The following PDE12 variants were observed in gnomAD, a reference collection of about 807,000 sequenced individuals.
PDE12 encodes phosphodiesterase 12.
PDE12 carries 26 observed loss-of-function variants against 45.4 expected under a neutral mutation model. The observed-to-expected ratio is 0.57, with a 90% CI of 0.42 to 0.79. The LOEUF (loss-of-function observed/expected upper bound fraction) is 0.79. Among genes scored for constraint, PDE12 ranks in the 30% least tolerant of loss-of-function variants. The probability of loss-of-function intolerance (pLI) is 0.00; values close to 1 mark genes in which losing one functional copy is unlikely to be tolerated. For missense variants in PDE12, 668 were observed against 790.0 expected, an observed-to-expected ratio of 0.85 and a Z score of 1.85; for synonymous variants, 283 against 323.9, an observed-to-expected ratio of 0.87 and a Z score of 1.36.
chr3:57,619,071 C>T, the PDE12 span, among the ~76,000 whole-genome samples: 6 of 152,148 alleles, frequency 3.9e-5, no homozygotes, highest in African/African-American at 9.6e-5. Flanking sequence ...TCAGGCAGGC[C>T]GGGTGCAGTG....
At chr3:57,583,743 C>T in the PDE12 span, among the ~76,000 whole-genome samples, 3 of 152,114 alleles carry the variant, frequency 2.0e-5, no homozygotes, top group African/African-American at 7.2e-5. Context: ...CCTTCAAGGC[C>T]TAAGTGAGAG....
chr3:57,579,498 G>A, the PDE12 span, among the ~76,000 whole-genome samples: 36 of 151,852 alleles, frequency 2.4e-4, no homozygotes, highest in African/African-American at 8.7e-4. Flanking sequence ...ATGTTGGCCA[G>A]GTTAGTCTTG....
At chr3:57,599,568 A>G in the PDE12 span, among the ~76,000 whole-genome samples, 2 of 152,202 alleles carry the variant, frequency 1.3e-5, no homozygotes, top group Non-Finnish European at 2.9e-5. Flanking sequence ...CTGTTTAGTT[A>G]TGCAAAATAA....
the PDE12 span, among the ~76,000 whole-genome samples, chr3:57,593,998 G>A: frequency 1.5e-3 from 235 of 152,264 alleles, 1 homozygote; most frequent in Non-Finnish European, 2.6e-3. Flanking sequence ...GCTCATGCTT[G>A]TAATCCTAGC....
chr3:57,612,659 TACTC>T, the PDE12 span, among the ~76,000 whole-genome samples: 1 of 151,566 alleles, frequency 6.6e-6, no homozygotes, highest in Admixed American at 6.6e-5. Context: ...TAGTCCCAGT[TACTC>T]AGGAGGCTGA....
chr3:57,627,388 T>C, the PDE12 span: 1 of 152,190 alleles, frequency 6.6e-6, no homozygotes, highest in African/African-American at 2.4e-5. Context: ...AAGTGACCTG[T>C]CCACCTTGGC....
At chr3:57,577,257 A>C in the PDE12 span, 1 of 1,381,998 alleles carries the variant, frequency 7.2e-7, no homozygotes, top group East Asian at 2.3e-5. Flanking sequence ...CTAAACCACC[A>C]CCAGTTTAAT....
the PDE12 span, among the ~76,000 whole-genome samples, chr3:57,653,924 A>C: frequency 6.6e-6 from 1 of 150,468 alleles, no homozygotes; most frequent in Non-Finnish European, 1.5e-5. Context: ...TGCCTTGGGA[A>C]AATAATTAGA....
Position 57,557,538 on chromosome 3 carries a change from C to A in PDE12, c.1159C>A (p.Arg387=). ...GCACGAAGGCCTGGCCACTTTCTAC[C>A]GAAAGTCTAAGTTCAGCCTTCTTAG... ...KQHEGLATFY[R]KSKFSLLSQH... The change falls in exon 1 of 3, where the codon CGA becomes AGA. Residue 387 remains arginine (R), a synonymous_variant. Transcript: ENST00000311180. The A allele has an allele frequency of 6.2e-7, 1 of 1,614,036 alleles. No homozygotes were observed. The highest frequency in any genetic ancestry group is 8.5e-7 in the Non-Finnish European group (1 of 1,180,018).
rs1435093723 is a variant in PDE12, at chr3:57,564,939, C to T, written c.*4935C>T. The T allele has an allele frequency of 2.6e-5, 4 of 151,782 alleles. No individual in the cohort carries two copies. Among genetic ancestry groups the T allele is most frequent in the Non-Finnish European group, 5.9e-5 (4 of 67,962 alleles). The allele number at this position is 151,782 out of a possible 1,614,324, so 9.4% of individuals were successfully genotyped here. ...CAAGCAGTCCACCCACCTCGGCCTC[C>T]CAAAGTGCTGATATTACAGACATGA... On this transcript the variant is annotated 3_prime_UTR_variant, in exon 3 of 3. Transcript: ENST00000311180.
chr3:57,587,319 C>CAAAAAAAAAAAAAAAAA, the PDE12 span, among the ~76,000 whole-genome samples: 1 of 45,406 alleles, frequency 2.2e-5, no homozygotes, highest in East Asian at 6.5e-4. Context: ...AACTCAGTCT[C>CAAAAAAAAAAAAAAAAA]AAAAAAAAAA....
chr3:57,652,220 C>T, the PDE12 span, among the ~76,000 whole-genome samples: 2 of 152,082 alleles, frequency 1.3e-5, no homozygotes, highest in South Asian at 2.1e-4. Flanking sequence ...CTGAGTCATA[C>T]GGGACACTGT....
At chr3:57,642,806 G>A in the PDE12 span, among the ~76,000 whole-genome samples, 3 of 152,092 alleles carry the variant, frequency 2.0e-5, no homozygotes, top group Non-Finnish European at 4.4e-5. Context: ...AGGAGTTCGA[G>A]ACCAACCTGG....
At chr3:57,625,635 C>A in the PDE12 span, 1 of 151,960 alleles carries the variant, frequency 6.6e-6, no homozygotes. Flanking sequence ...GTAACAAATT[C>A]TTCTTAAAAA....
chr3:57,622,661 G>C, the PDE12 span, among the ~76,000 whole-genome samples: 1 of 152,084 alleles, frequency 6.6e-6, no homozygotes, highest in Admixed American at 6.6e-5. Flanking sequence ...ATCTGTAATA[G>C]CCAAAAACTA....
the PDE12 span, among the ~76,000 whole-genome samples, chr3:57,604,622 G>GT: frequency 1.2e-5 from 1 of 85,608 alleles, no homozygotes; most frequent in African/African-American, 4.6e-5. Flanking sequence ...TTTTTTGGGG[G>GT]GGGTGGGTGG....
At chr3:57,589,986 G>A in the PDE12 span, among the ~76,000 whole-genome samples, 1 of 150,720 alleles carries the variant, frequency 6.6e-6, no homozygotes. Flanking sequence ...AGCTACTCGG[G>A]AGGCTGAGGC....
chr3:57,620,667 G>T, the PDE12 span, among the ~76,000 whole-genome samples: 2 of 151,924 alleles, frequency 1.3e-5, no homozygotes, highest in Non-Finnish European at 2.9e-5. Flanking sequence ...TATATGGACC[G>T]TACTACTATT....
Position 57,556,958 on chromosome 3 carries a change from C to T in PDE12, c.579C>T (p.Ser193=). ...LSLEFGDPAS[S]LFRWYKEAKP... is the part of the protein sequence containing the mutation. ...TCGAATTTGGGGATCCCGCCAGCTCCCTTTTCCGCTGGTATAAGGAAGCCA... is the reference window on the plus strand; with the variant it reads ...TCGAATTTGGGGATCCCGCCAGCTCTCTTTTCCGCTGGTATAAGGAAGCCA... Residue 193 remains serine (S), a synonymous_variant, in exon 1 of 3, where the codon TCC becomes TCT. Transcript: ENST00000311180. This position sits in a 1 kb window ranked among gnomAD's most constrained non-coding sequence, Gnocchi z 5.0. 2 of 1,614,200 alleles carry T rather than the reference C, an allele frequency of 1.2e-6. No individual in the cohort carries two copies. The highest frequency in any genetic ancestry group is 8.5e-7 in the Non-Finnish European group (1 of 1,180,046).
Sources: allele counts gnomAD v4.1 joint callset (sites outside exome capture counted in the v4.1 genomes callset), GRCh38; gene constraint gnomAD v4.1.1; non-coding constraint Gnocchi (gnomAD v3.1); transcripts MANE v1.5; gene names NCBI Gene and HGNC (gene_info 2026-07-23, HGNC 2026-07-21).